Variants in SAMD4A observed in about 807,000 individuals in gnomAD.
SAMD4A encodes the protein protein Smaug homolog 1.
SAMD4A carries 33 observed loss-of-function variants against 81.3 expected under a neutral mutation model. The observed-to-expected ratio is 0.41, with a 90% CI of 0.31 to 0.54. The LOEUF (loss-of-function observed/expected upper bound fraction) is 0.54, where lower values mean the gene tolerates loss of function less well. SAMD4A is among the 20% of genes least tolerant of loss of function. The pLI is 0.37. For synonymous variants in SAMD4A, 389 were observed against 382.1 expected (o/e 1.02, Z -0.21); for missense variants, 854 against 951.1 (o/e 0.90, Z 1.34).
intron 2 of SAMD4A, among the ~76,000 whole-genome samples, chr14:54,596,663 C>T (rs562454222): frequency 6.6e-6 from 1 of 152,330 alleles, no homozygotes; most frequent in Non-Finnish European, 1.5e-5. Flanking sequence ...AAGATCACAG[C>T]CACTGACAAA....
At position 54,642,044 on chromosome 14, in the gene SAMD4A, C is replaced by T. The variant is rs549931309; in HGVS notation, c.197-60018C>T. Among the ~76,000 whole-genome samples, 71 of 152,264 alleles carry T rather than the reference C, an allele frequency of 4.7e-4. 1 individual carries two copies. The highest frequency in any genetic ancestry group is 1.6e-3 in the African/African-American group (68 of 41,558). On this transcript the variant is annotated intron_variant, in intron 2 of 12. Coordinates refer to ENST00000554335, the MANE Select transcript of SAMD4A (RefSeq NM_015589.6). ...AACTCCTGACCTCAAGTGATCCACC[C>T]GTCTCGGCCTCCCAAAGTGCTGGGA...
intron 2 of SAMD4A, among the ~76,000 whole-genome samples, chr14:54,697,515 G>T (rs894932526): frequency 2.0e-5 from 3 of 152,160 alleles, no homozygotes; most frequent in African/African-American, 7.2e-5. Context: ...TGGTCCAAAG[G>T]TTGTTTTGTG....
intron 3 of SAMD4A, among the ~76,000 whole-genome samples, chr14:54,726,219 C>G (rs889757784): frequency 2.0e-5 from 3 of 152,142 alleles, no homozygotes; most frequent in Admixed American, 6.5e-5. Context: ...CCCTGACCCT[C>G]TCTTTCCTAC....
At chr14:54,681,682 T>C (rs965003185) in intron 2 of SAMD4A, 23 of 463,194 alleles carry the variant, frequency 5.0e-5, no homozygotes, top group Non-Finnish European at 6.5e-5. Context: ...TCCTCCCACT[T>C]TGGCCTCCTA....
intron 12 of SAMD4A, among the ~76,000 whole-genome samples, chr14:54,784,921 C>T (rs1310570616): frequency 2.0e-5 from 3 of 152,172 alleles, no homozygotes; most frequent in Admixed American, 6.5e-5. Context: ...ATGGGAATCA[C>T]ACCACAGCAG....
At chr14:54,591,537 T>G (rs965262973) in intron 2 of SAMD4A, among the ~76,000 whole-genome samples, 5 of 152,074 alleles carry the variant, frequency 3.3e-5, no homozygotes, top group Admixed American at 6.5e-5. Flanking sequence ...GTTTTTTTTT[T>G]TTTGTTTTGT....
At chr14:54,643,256 G>A (rs186529656) in intron 2 of SAMD4A, among the ~76,000 whole-genome samples, 16 of 152,278 alleles carry the variant, frequency 1.1e-4, no homozygotes, top group Admixed American at 9.2e-4. Context: ...CTTTCCAAAT[G>A]GTCTTCCCCG....
intron 2 of SAMD4A, among the ~76,000 whole-genome samples, chr14:54,699,530 G>A (rs2036659633): frequency 6.6e-6 from 1 of 152,014 alleles, no homozygotes; most frequent in Non-Finnish European, 1.5e-5. Flanking sequence ...TACTGTCCAT[G>A]ATAAAAAATA....
At chr14:54,639,919 C>G (rs2035132531) in intron 2 of SAMD4A, among the ~76,000 whole-genome samples, 1 of 152,048 alleles carries the variant, frequency 6.6e-6, no homozygotes, top group Non-Finnish European at 1.5e-5. Flanking sequence ...CAAACTACTC[C>G]TTTTTAAAAT....
At chr14:54,702,694 C>G in intron 3 of SAMD4A, 114 bp downstream of exon 3, 1 of 1,289,496 alleles carries the variant, frequency 7.8e-7, no homozygotes, top group Admixed American at 2.0e-5. Context: ...GAGAGAAGGA[C>G]TGATTGGAAT....
intron 2 of SAMD4A, among the ~76,000 whole-genome samples, chr14:54,579,438 A>G (rs534942224): frequency 1.3e-5 from 2 of 152,396 alleles, no homozygotes; most frequent in South Asian, 4.1e-4. Flanking sequence ...TTGCTATTGC[A>G]TGAATGCTGA....
intron 2 of SAMD4A, among the ~76,000 whole-genome samples, chr14:54,671,672 C>T (rs7157734): frequency 0.3 from 45,906 of 152,080 alleles, 7,229 homozygotes; most frequent in Admixed American, 0.42. Context: ...CTCAGTCTTC[C>T]AGAATTCTGT....
At chr14:54,621,901 A>T (rs2034627250) in intron 2 of SAMD4A, among the ~76,000 whole-genome samples, 1 of 152,174 alleles carries the variant, frequency 6.6e-6, no homozygotes, top group African/African-American at 2.4e-5. Flanking sequence ...TGTTTTGGGG[A>T]GAAACAACTC....
rs71127666 is a variant in SAMD4A, at chr14:54,688,931, C to CTTTTTTT, written c.197-13120_197-13114dup. ...AGAGAGGGTCCCAGAAGTCGTAATT[C>CTTTTTTT]TTTTTTTTTTTTTTTTTGAGGCGGA... On this transcript the variant is annotated intron_variant, in intron 2 of 12. Coordinates refer to ENST00000554335, the MANE Select transcript of SAMD4A (RefSeq NM_015589.6). 6.5e-3 allele frequency among the ~76,000 whole-genome samples: 755 copies of CTTTTTTT among 115,980 alleles called. 15 individuals are homozygous for CTTTTTTT. The highest frequency in any genetic ancestry group is 0.021 in the African/African-American group (654 of 31,756). The allele number at this position is 115,980 out of a possible 152,430, so 76.1% of individuals were successfully genotyped here. A position where few individuals can be genotyped will look rare whatever the true frequency, so the allele number is the denominator to read the frequency against.
intron 2 of SAMD4A, among the ~76,000 whole-genome samples, chr14:54,660,173 GTCT>G (rs2035609400): frequency 6.6e-6 from 1 of 152,092 alleles, no homozygotes; most frequent in Admixed American, 6.5e-5. Flanking sequence ...GATACCTAAA[GTCT>G]TCTTTCTACG....
intron 3 of SAMD4A, among the ~76,000 whole-genome samples, chr14:54,734,765 T>C (rs1190120162): frequency 6.6e-6 from 1 of 152,172 alleles, no homozygotes; most frequent in Admixed American, 6.5e-5. Context: ...ACAGTGTACG[T>C]ATTGTATTGT....
At chr14:54,611,388 C>T (rs537433062) in intron 2 of SAMD4A, among the ~76,000 whole-genome samples, 193 of 152,268 alleles carry the variant, frequency 1.3e-3, no homozygotes, top group Non-Finnish European at 2.4e-3. Context: ...GGCAGAAATT[C>T]CTTGGGCAGC....
rs183348923 is a variant in SAMD4A at position 54,705,005 on chromosome 14, C to T, written c.715+2425C>T. ...ACGCCTCCTAGGTCCAAATCCCAGA[C>T]AGGCAATTTGCTAACTACAGCTTGG... On this transcript the variant is annotated intron_variant, in intron 3 of 12. Coordinates refer to ENST00000554335, the MANE Select transcript of SAMD4A (RefSeq NM_015589.6). Among the ~76,000 whole-genome samples the T allele has an allele frequency of 3.1e-3, 465 of 152,324 alleles. 1 individual carries two copies. Among genetic ancestry groups the T allele is most frequent in the Non-Finnish European group, 4.2e-3 (286 of 68,020 alleles).
chr14:54,675,579 A>G (rs2035977342), intron 2 of SAMD4A, among the ~76,000 whole-genome samples: 1 of 152,188 alleles, frequency 6.6e-6, no homozygotes, highest in Non-Finnish European at 1.5e-5. Context: ...TTACTTTGTT[A>G]CTAAATGTGA....
Sources: gnomAD v4.1 joint callset for allele counts (sites outside exome capture counted in the v4.1 genomes callset) on GRCh38, gnomAD v4.1.1 for gene constraint, MANE v1.5 for transcripts, NCBI Gene and HGNC (gene_info 2026-07-23, HGNC 2026-07-21) for gene names.